The following DCHS2 variants were observed in gnomAD, a reference collection of about 807,000 sequenced individuals.
The protein encoded by DCHS2 is dachsous cadherin-related 2, also known as protocadherin-23.
A neutral mutation model predicts 182.4 loss-of-function variants in DCHS2; 142 were observed. The ratio of observed to expected loss-of-function variants is 0.78; its 90% CI spans 0.68 to 0.89. The LOEUF (loss-of-function observed/expected upper bound fraction) is 0.89. DCHS2 is among the 40% of genes least tolerant of loss of function. DCHS2 has a pLI of 0.00. For synonymous variants in DCHS2, 1,740 were observed against 1,663.3 expected, an observed-to-expected ratio of 1.05 and a Z score of -1.12; for missense variants, 4,319 against 4,198.6, an observed-to-expected ratio of 1.03 and a Z score of -0.79.
At chr4:154,477,945 G>A (rs929166568) in intron 1 of DCHS2, among the ~76,000 whole-genome samples, 3 of 152,128 alleles carry the variant, frequency 2.0e-5, no homozygotes, top group African/African-American at 7.2e-5. Context: ...AATTCATGGA[G>A]TTGATTTCTA....
chr4:154,384,261 T>C, intron 1 of DCHS2: 1 of 1,480,084 alleles, frequency 6.8e-7, no homozygotes, highest in Non-Finnish European at 9.0e-7. Flanking sequence ...TTTTCTGAAT[T>C]ATTTGGCAGC....
chr4:154,338,474 T>C (rs1394454811), intron 3 of DCHS2, among the ~76,000 whole-genome samples: 1 of 152,212 alleles, frequency 6.6e-6, no homozygotes, highest in Non-Finnish European at 1.5e-5. Context: ...TTTTTACCTC[T>C]CTGTTTTCCT....
At chr4:154,270,760 G>T (rs974265729) in intron 13 of DCHS2, among the ~76,000 whole-genome samples, 8 of 151,708 alleles carry the variant, frequency 5.3e-5, no homozygotes, top group African/African-American at 1.4e-4. Flanking sequence ...GAGAGACATG[G>T]ACAGATTAAA....
intron 13 of DCHS2, among the ~76,000 whole-genome samples, 176 bp downstream of exon 13, chr4:154,297,675 G>A (rs1308957210): frequency 6.6e-6 from 1 of 152,194 alleles, no homozygotes; most frequent in East Asian, 1.9e-4. Context: ...CTTCTGCCCT[G>A]TCATTTCATC....
At position 154,489,430 on chromosome 4, in the gene DCHS2, T is replaced by C. The variant is rs1212709520; in HGVS notation, c.1926A>G (p.Pro642=). ...TGCTCACCAGGCAGGTGGCAGAGAGTGGGGGCTCTCCGAGGTCCTGGGCCA... is the reference window on the plus strand; with the variant it reads ...TGCTCACCAGGCAGGTGGCAGAGAGCGGGGGCTCTCCGAGGTCCTGGGCCA... The part of the protein sequence containing the change: ...KVVAQDLGEP[P]LSATCLVSIT... The change falls in exon 1 of 20, where the codon CCA becomes CCG. Residue 642 remains proline (P), a synonymous_variant. Coordinates refer to ENST00000357232, the MANE Select transcript of DCHS2 (RefSeq NM_001358235.2). The C allele has an allele frequency of 2.1e-5, 33 of 1,551,370 alleles. No individual in the cohort carries two copies. The highest frequency in any genetic ancestry group is 4.4e-6 in the Non-Finnish European group (5 of 1,146,946).
intron 1 of DCHS2, among the ~76,000 whole-genome samples, chr4:154,430,324 T>C (rs994810805): frequency 3.9e-5 from 6 of 152,208 alleles, no homozygotes; most frequent in Non-Finnish European, 2.9e-5. Flanking sequence ...TGAGAACTTC[T>C]GACAGGCTAA....
chr4:154,245,691 A>C (rs75800684), intron 16 of DCHS2, among the ~76,000 whole-genome samples: 1,809 of 152,258 alleles, frequency 0.012, 33 homozygotes, highest in African/African-American at 0.041. Context: ...GATATCAAAA[A>C]CCTTTTATAA....
chr4:154,297,816 G>C, intron 13 of DCHS2, 35 bp downstream of exon 13: 1 of 1,575,094 alleles, frequency 6.3e-7, no homozygotes, highest in Middle Eastern at 1.7e-4. Context: ...TGTCAAAACA[G>C]GTACAATATA....
chr4:154,388,636 A>T (rs1269653317), intron 1 of DCHS2, among the ~76,000 whole-genome samples: 1 of 151,782 alleles, frequency 6.6e-6, no homozygotes, highest in Non-Finnish European at 1.5e-5. Flanking sequence ...CTGGGATTAC[A>T]GGCGCACATC....
At position 154,254,663 on chromosome 4, in the gene DCHS2, C is replaced by A. The variant is rs184860017; in HGVS notation, c.6941+856G>T. On this transcript the variant is annotated intron_variant, in intron 16 of 19. Transcript: ENST00000357232. The stretch of plus-strand genomic sequence containing the variant: ...ACCAGCCTGGCCAATATGGTGGAAC[C>A]CCATCTCTACTAAAAATACAAAAAT... Among the ~76,000 whole-genome samples, 7 of 152,208 alleles carry A rather than the reference C, an allele frequency of 4.6e-5. No individual in the cohort carries two copies. The East Asian group carries it at 1.4e-3, about 29-fold the overall frequency.
rs145922239 is a variant in DCHS2 at position 154,321,550 on chromosome 4, C to G, written c.4177-328G>C. ...ATGGGAATGCAGGGTAGCTAGTTCT[C>G]CAGATTATTTTAAATACTACAGACT... On this transcript the variant is annotated intron_variant, in intron 8 of 19. Coordinates refer to ENST00000357232, the MANE Select transcript of DCHS2 (RefSeq NM_001358235.2). Among the ~76,000 whole-genome samples the G allele has an allele frequency of 1.4e-3, 208 of 152,222 alleles. 1 individual carries two copies. The highest frequency in any genetic ancestry group is 4.6e-3 in the African/African-American group (191 of 41,540).
chr4:154,276,278 T>C (rs906338946), intron 13 of DCHS2, among the ~76,000 whole-genome samples: 4 of 152,172 alleles, frequency 2.6e-5, no homozygotes, highest in Non-Finnish European at 5.9e-5. Flanking sequence ...TTTTATAAAT[T>C]TTATTTCAAG....
At chr4:154,239,120 T>G in intron 19 of DCHS2, 50 bp downstream of exon 19, 1 of 1,575,574 alleles carries the variant, frequency 6.3e-7, no homozygotes, top group Non-Finnish European at 8.6e-7. Context: ...TTCAGGTTTC[T>G]ACTTTGAAAC....
At chr4:154,388,200 A>T (rs1731501269) in intron 1 of DCHS2, among the ~76,000 whole-genome samples, 1 of 152,168 alleles carries the variant, frequency 6.6e-6, no homozygotes, top group African/African-American at 2.4e-5. Flanking sequence ...CCAAATGTCC[A>T]ATCAGAAAAG....
rs147100487 is a variant in DCHS2 at position 154,419,374 on chromosome 4, G to A, written c.2053-41930C>T. 3.6e-4 allele frequency among the ~76,000 whole-genome samples: 55 copies of A among 152,288 alleles called. No individual in the cohort carries two copies. The East Asian group carries it at 9.4e-3, about 26-fold the overall frequency. On this transcript the variant is annotated intron_variant, in intron 1 of 19. Transcript: ENST00000357232. Reference sequence around the variant, plus strand: ...GCAACTTTTACATTGTGTGAAAAATGAGATGCAGCAATTATATTTTAAAAA... The same window carrying A: ...GCAACTTTTACATTGTGTGAAAAATAAGATGCAGCAATTATATTTTAAAAA...
rs1366386952 is a variant in DCHS2, at chr4:154,233,901, G to T, written c.*635C>A. The T allele has an allele frequency of 2.6e-5, 4 of 152,018 alleles. No individual in the cohort carries two copies. The South Asian group carries it at 8.3e-4, about 32-fold the overall frequency. The allele number at this position is 152,018 out of a possible 1,614,324, so 9.4% of individuals were successfully genotyped here. On this transcript the variant is annotated 3_prime_UTR_variant, in exon 20 of 20. Coordinates refer to ENST00000357232, the MANE Select transcript of DCHS2 (RefSeq NM_001358235.2). ...TAAATCCTATTTGTTTCTCCCTATT[G>T]TCACAGAGTTATGACAAATTTCCTT...
intron 3 of DCHS2, among the ~76,000 whole-genome samples, chr4:154,347,850 G>T (rs956819974): frequency 6.6e-6 from 1 of 151,906 alleles, no homozygotes; most frequent in Admixed American, 6.5e-5. Flanking sequence ...GGGAGAGGCT[G>T]TAATGACACT....
chr4:154,367,635 TTTTGACACTTTCATC>T, intron 2 of DCHS2, among the ~76,000 whole-genome samples: 1 of 152,320 alleles, frequency 6.6e-6, no homozygotes, highest in East Asian at 1.9e-4. Flanking sequence ...ATCTGGTACA[TTTTGACACTTTCATC>T]TTTGACAAAA....
chr4:154,424,091 A>G (rs1017572101), intron 1 of DCHS2, among the ~76,000 whole-genome samples: 2 of 152,218 alleles, frequency 1.3e-5, no homozygotes, highest in Non-Finnish European at 2.9e-5. Flanking sequence ...GTAAATGTAT[A>G]AATTGCTTCC....
Sources: gnomAD v4.1 joint callset for allele counts (sites outside exome capture counted in the v4.1 genomes callset) on GRCh38, gnomAD v4.1.1 for gene constraint, MANE v1.5 for transcripts, NCBI Gene and HGNC (gene_info 2026-07-23, HGNC 2026-07-21) for gene names.